The following INPP5D variants were observed in gnomAD, a reference collection of about 807,000 sequenced individuals.
INPP5D encodes phosphatidylinositol 3,4,5-trisphosphate 5-phosphatase 1.
INPP5D carries 33 observed loss-of-function variants against 122.9 expected under a neutral mutation model. The observed-to-expected ratio is 0.27, with a 90% CI of 0.20 to 0.36. The LOEUF (loss-of-function observed/expected upper bound fraction) is 0.36, where lower values mean the gene tolerates loss of function less well. INPP5D is among the 10% of genes least tolerant of loss of function. The pLI is 1.00. For missense variants in INPP5D, 1,053 were observed against 1,412.7 expected (o/e 0.75, Z 4.08); for synonymous variants, 584 against 576.2 (o/e 1.01, Z -0.19).
intron 5 of INPP5D, among the ~76,000 whole-genome samples, chr2:233,131,627 G>C (rs1693329499): frequency 6.6e-6 from 1 of 152,144 alleles, no homozygotes; most frequent in African/African-American, 2.4e-5. Context: ...TTGAACCTGG[G>C]AGGCTGAGGT....
At chr2:233,165,138 C>T (rs546189995) in intron 13 of INPP5D, among the ~76,000 whole-genome samples, 3 of 152,062 alleles carry the variant, frequency 2.0e-5, no homozygotes, top group East Asian at 1.9e-4. Flanking sequence ...TGAGTGACAG[C>T]GTGCATGTGA....
At chr2:233,108,546 G>A (rs1041550408) in intron 2 of INPP5D, among the ~76,000 whole-genome samples, 1 of 152,132 alleles carries the variant, frequency 6.6e-6, no homozygotes, top group Admixed American at 6.5e-5. Flanking sequence ...ACGAGATGAG[G>A]TCTTGCGATG....
chr2:233,138,912 A>ATTTTTTTTTTTT (rs759201099), intron 5 of INPP5D, among the ~76,000 whole-genome samples: 1 of 140,430 alleles, frequency 7.1e-6, no homozygotes, highest in Non-Finnish European at 1.6e-5. Flanking sequence ...CACCTGGCTA[A>ATTTTTTTTTTTT]TTTTTTTTTT....
At chr2:233,114,416 C>CG (rs1559299158) in intron 2 of INPP5D, among the ~76,000 whole-genome samples, 1 of 152,164 alleles carries the variant, frequency 6.6e-6, no homozygotes, top group Non-Finnish European at 1.5e-5. Context: ...GGTTGCAGAG[C>CG]GGGGAGAGGC....
chr2:233,204,902 G>T (rs1453707829), intron 26 of INPP5D, 185 bp downstream of exon 26: 5 of 1,006,912 alleles, frequency 5.0e-6, no homozygotes. Flanking sequence ...CATGAGAAGG[G>T]AGAGTCAGGA....
At chr2:233,104,558 G>A (rs1692412800) in intron 2 of INPP5D, among the ~76,000 whole-genome samples, 1 of 152,148 alleles carries the variant, frequency 6.6e-6, no homozygotes, top group Non-Finnish European at 1.5e-5. Context: ...AAGCCATGGG[G>A]GGTAGGCTCA....
At position 233,100,888 on chromosome 2, in the gene INPP5D, A is replaced by T. The variant is rs1321649406; in HGVS notation, c.199-21219A>T. On this transcript the variant is annotated intron_variant, in intron 2 of 26. Transcript: ENST00000445964. This position sits in a 1 kb window ranked among gnomAD's most constrained non-coding sequence, Gnocchi z 5.3. ...TTCTTGGTTTCAGACAATCTCACCTACCCCTCAAAGAAGGCGGAAGCTTCC... is the reference window on the plus strand; with the variant it reads ...TTCTTGGTTTCAGACAATCTCACCTTCCCCTCAAAGAAGGCGGAAGCTTCC... 6.7e-6 allele frequency among the ~76,000 whole-genome samples: 1 copy of T among 148,530 alleles called. No homozygotes were observed. Among genetic ancestry groups the T allele is most frequent in the Admixed American group, 6.7e-5 (1 of 15,014 alleles).
At position 233,161,720 on chromosome 2, in the gene INPP5D, C is replaced by T. The variant is rs1267055314; in HGVS notation, c.1138-4C>T. ...TCTAAGTCTGTCTGCCCTTCCATCC[C>T]TAGAAGAGAGAAGGCTTCTGCCAGC... On this transcript the variant is annotated splice_region_variant and splice_polypyrimidine_tract_variant and intron_variant, in intron 10 of 26. Transcript: ENST00000445964. 2 of 1,611,670 alleles carry T rather than the reference C, an allele frequency of 1.2e-6. No individual in the cohort carries two copies. The highest frequency in any genetic ancestry group is 1.7e-6 in the Non-Finnish European group (2 of 1,178,794).
intron 2 of INPP5D, among the ~76,000 whole-genome samples, chr2:233,089,966 T>C (rs1691948239): frequency 6.6e-6 from 1 of 152,198 alleles, no homozygotes; most frequent in African/African-American, 2.4e-5. Flanking sequence ...GCCCAGTCCC[T>C]CTTCTGTGCT....
chr2:233,086,669 C>T (rs946468863), intron 2 of INPP5D, among the ~76,000 whole-genome samples: 6 of 152,174 alleles, frequency 3.9e-5, no homozygotes, highest in African/African-American at 1.4e-4. Context: ...ATCTGCCCTC[C>T]TCTAGATTTT....
chr2:233,103,850 G>T lies in INPP5D; in HGVS notation c.199-18257G>T, dbSNP rs185721575. 6.1e-3 allele frequency among the ~76,000 whole-genome samples: 917 copies of T among 150,350 alleles called. 8 individuals carry two copies. The highest frequency in any genetic ancestry group is 0.022 in the African/African-American group (889 of 40,834). ...GCCTCCCGAGTAGCTGGGATTACAG[G>T]CATGTACCACCATGCCTGGCTTATT... On this transcript the variant is annotated intron_variant, in intron 2 of 26. Transcript: ENST00000445964.
chr2:233,144,666 G>C, intron 6 of INPP5D, among the ~76,000 whole-genome samples: 1 of 116,334 alleles, frequency 8.6e-6, no homozygotes, highest in Admixed American at 8.7e-5. Flanking sequence ...TAGAGATGGT[G>C]GTGGTGATGG....
At position 233,158,317 on chromosome 2, in the gene INPP5D, G is replaced by A; in HGVS notation, c.1035G>A (p.Leu345=). Residue 345 remains leucine, a synonymous_variant, in exon 10 of 27, where the codon CTG becomes CTA. Coordinates refer to ENST00000445964, the MANE Select transcript of INPP5D (RefSeq NM_001017915.3). ...ATGAATTTCTTTTCTCTTAAGTCCTGCAGCTCATTAAGTCACAGAAATTTC... is the reference window on the plus strand; with the variant it reads ...ATGAATTTCTTTTCTCTTAAGTCCTACAGCTCATTAAGTCACAGAAATTTC... ...EDKFYSHKKI[L]QLIKSQKFLN... 1.4e-6 allele frequency: 1 copy of A among 702,864 alleles called. No homozygotes were observed. The highest frequency in any genetic ancestry group is 2.6e-6 in the Non-Finnish European group (1 of 384,508). The allele number at this position is 702,864 out of a possible 1,614,324, so 43.5% of individuals were successfully genotyped here.
At chr2:233,191,593 G>GGT (rs772451741) in intron 22 of INPP5D, among the ~76,000 whole-genome samples, 36 of 152,242 alleles carry the variant, frequency 2.4e-4, no homozygotes, top group Non-Finnish European at 4.7e-4. Context: ...TCAAGGAGAG[G>GGT]GTGTGGTTAC....
intron 9 of INPP5D, among the ~76,000 whole-genome samples, chr2:233,152,617 G>A (rs1309413949): frequency 2.0e-5 from 3 of 152,210 alleles, no homozygotes; most frequent in Non-Finnish European, 4.4e-5. Flanking sequence ...CCTTTCTGTG[G>A]ACATGCTGTG....
At chr2:233,120,000 GGCCAGAT>G (rs1255983338) in intron 2 of INPP5D, among the ~76,000 whole-genome samples, 2 of 152,222 alleles carry the variant, frequency 1.3e-5, no homozygotes, top group Admixed American at 1.3e-4. Context: ...GCCACGCTCA[GGCCAGAT>G]GCCACCTGCT....
chr2:233,197,160 T>C lies in INPP5D; in HGVS notation c.2694-935T>C, dbSNP rs768507382. 6.6e-6 allele frequency among the ~76,000 whole-genome samples: 1 copy of C among 151,998 alleles called. No individual in the cohort carries two copies. The highest frequency in any genetic ancestry group is 2.4e-5 in the African/African-American group (1 of 41,360). On this transcript the variant is annotated intron_variant, in intron 24 of 26. Transcript: ENST00000445964. The surrounding 1 kb of genome is among the most constrained non-coding windows in gnomAD (Gnocchi z 4.4). ...GGCAGAGCACATGGGAGCTGTGGAG[T>C]GTCCCTGACAGCCTATACGCTCAGA...
chr2:233,130,394 G>C lies in INPP5D; in HGVS notation c.525-114G>C, dbSNP rs182223656. Reference sequence around the variant, plus strand: ...TGCAAACATTCTTCTGAAGGACGGTGTCCCCTTGGAGGCTCTGAGGATGAG... The same window carrying C: ...TGCAAACATTCTTCTGAAGGACGGTCTCCCCTTGGAGGCTCTGAGGATGAG... On this transcript the variant is annotated intron_variant, in intron 4 of 26. Coordinates refer to ENST00000445964, the MANE Select transcript of INPP5D (RefSeq NM_001017915.3). The C allele has an allele frequency of 8.5e-3, 9,630 of 1,133,770 alleles. 54 individuals are homozygous for C. The highest frequency in any genetic ancestry group is 0.013 in the Middle Eastern group (64 of 4,922). The allele number at this position is 1,133,770 out of a possible 1,614,324, so 70.2% of individuals were successfully genotyped here.
chr2:233,095,848 C>G (rs1692126823), intron 2 of INPP5D, among the ~76,000 whole-genome samples: 1 of 152,122 alleles, frequency 6.6e-6, no homozygotes, highest in Non-Finnish European at 1.5e-5. Flanking sequence ...CCACCCTAGT[C>G]CCACTGTTGA....
Sources: gnomAD v4.1 joint callset for allele counts (sites outside exome capture counted in the v4.1 genomes callset) on GRCh38, gnomAD v4.1.1 for gene constraint, Gnocchi (gnomAD v3.1) non-coding constraint, MANE v1.5 for transcripts, NCBI Gene and HGNC (gene_info 2026-07-23, HGNC 2026-07-21) for gene names.